Variants in SDK2 observed in about 807,000 individuals in gnomAD.
The protein encoded by SDK2 is protein sidekick-2.
In SDK2, 105 loss-of-function variants were observed where a neutral mutation model predicts 253.9. The observed-to-expected ratio is 0.41, with a 90% CI of 0.35 to 0.49. The LOEUF (loss-of-function observed/expected upper bound fraction) is 0.49. Ranked by LOEUF, SDK2 falls within the 20% of genes least tolerant of loss-of-function variation. The pLI is 0.06. For synonymous variants in SDK2, 1,249 were observed against 1,234.9 expected, an observed-to-expected ratio of 1.01 and a Z score of -0.24; for missense variants, 2,608 against 3,003.0, an observed-to-expected ratio of 0.87 and a Z score of 3.07.
Position 73,399,188 on chromosome 17 carries a change from G to A in SDK2, c.3073C>T (p.Arg1025Cys), listed in dbSNP as rs751928180. Reference protein sequence around the residue: ...PGYDGKTSISRWLVEAQVGVV... With the variant: ...PGYDGKTSISCWLVEAQVGVV... Reference sequence around the variant, plus strand: ...CCTACCTGGGCTTCCACCAGCCAGCGGGAGATGGAGGTTTTCCCATCGTAG... The same window carrying A: ...CCTACCTGGGCTTCCACCAGCCAGCAGGAGATGGAGGTTTTCCCATCGTAG... The change falls in exon 22 of 45, where the codon CGC becomes TGC. Residue 1025 changes from arginine to cysteine, a missense_variant. Transcript: ENST00000392650. 1.7e-5 allele frequency: 28 copies of A among 1,613,716 alleles called. No individual in the cohort carries two copies. Among genetic ancestry groups the A allele is most frequent in the Admixed American group, 5.0e-5 (3 of 60,004 alleles).
rs918448598 is a variant in SDK2 at position 73,335,747 on chromosome 17, C to T, written c.*2840G>A. The T allele has an allele frequency of 1.3e-5, 2 of 152,236 alleles. No individual in the cohort carries two copies. The highest frequency in any genetic ancestry group is 6.5e-5 in the Admixed American group (1 of 15,286). 9.4% of individuals were successfully genotyped at this position (152,236 alleles called of 1,614,324 possible). ...CTCAGACAATAGATCCCAGCCACGC[C>T]CCAAGTGCAAGCAACCCAGGCCACC... is the stretch of plus-strand genomic sequence containing the variant. On this transcript the variant is annotated 3_prime_UTR_variant, in exon 45 of 45. Transcript: ENST00000392650.
chr17:73,471,221 T>C (rs867737000), intron 3 of SDK2, among the ~76,000 whole-genome samples: 1 of 152,100 alleles, frequency 6.6e-6, no homozygotes, highest in African/African-American at 2.4e-5. Flanking sequence ...GCATTCACCA[T>C]GAGGCACCTC....
chr17:73,522,823 T>A (rs1282449792), intron 1 of SDK2, among the ~76,000 whole-genome samples: 1 of 152,236 alleles, frequency 6.6e-6, no homozygotes, highest in Non-Finnish European at 1.5e-5. Flanking sequence ...GGGCTCACCC[T>A]GAGCATCTCC....
chr17:73,448,166 A>T (rs1015426083), intron 4 of SDK2, among the ~76,000 whole-genome samples: 1 of 152,168 alleles, frequency 6.6e-6, no homozygotes, highest in Admixed American at 6.5e-5. Context: ...CTCAGCATGG[A>T]TTAGTGAATG....
At chr17:73,551,330 C>T (rs1469894010) in intron 1 of SDK2, among the ~76,000 whole-genome samples, 1 of 152,200 alleles carries the variant, frequency 6.6e-6, no homozygotes, top group Non-Finnish European at 1.5e-5. Context: ...AGACCTTGCC[C>T]ACCAGGAGCT....
In SDK2 at chr17:73,483,639, A is replaced by ATGTGTGTGTGTGTGTGTG. The variant is rs1188169326; in HGVS notation, c.225-11422_225-11421insCACACACACACACACACA. On this transcript the variant is annotated intron_variant, in intron 2 of 44. Transcript: ENST00000392650. ...TGTATATATATGTATATGTATATAT[A>ATGTGTGTGTGTGTGTGTG]TATGTGTGTGTGTGTGTGTGTGTAT... 3.1e-3 allele frequency among the ~76,000 whole-genome samples: 148 copies of ATGTGTGTGTGTGTGTGTG among 48,176 alleles called. 16 individuals are homozygous for ATGTGTGTGTGTGTGTGTG. The highest frequency in any genetic ancestry group is 9.3e-3 in the Middle Eastern group (1 of 108). 31.6% of individuals were successfully genotyped at this position (48,176 alleles called of 152,430 possible).
chr17:73,438,876 G>A (rs1456138201), intron 6 of SDK2, among the ~76,000 whole-genome samples: 8 of 152,156 alleles, frequency 5.3e-5, no homozygotes, highest in African/African-American at 1.9e-4. Flanking sequence ...GGAGTTCTGT[G>A]GCCGCATACG....
At chr17:73,366,795 C>T (rs1292161612) in intron 37 of SDK2, among the ~76,000 whole-genome samples, 3 of 152,032 alleles carry the variant, frequency 2.0e-5, no homozygotes, top group Admixed American at 1.3e-4. Context: ...CTACCAGGCT[C>T]GCTCTGCACA....
chr17:73,643,401 G>A lies in SDK2; in HGVS notation c.64+624C>T, dbSNP rs1339192494. Among the ~76,000 whole-genome samples the A allele has an allele frequency of 2.0e-5, 3 of 152,080 alleles. No individual in the cohort carries two copies. In the East Asian group the frequency reaches 5.8e-4, roughly 30 times the overall value. ...GACCCTCCCTGTGCACCACCCCCCG[G>A]TGGGTCCGCGGCTGCACCCGCGACC... On this transcript the variant is annotated intron_variant, in intron 1 of 44. Coordinates refer to ENST00000392650, the MANE Select transcript of SDK2 (RefSeq NM_001144952.2). The surrounding 1 kb of genome is among the most constrained non-coding windows in gnomAD (Gnocchi z 6.9).
Position 73,568,803 on chromosome 17 carries a change from A to G in SDK2, c.65-61206T>C, listed in dbSNP as rs566336939. Among the ~76,000 whole-genome samples the G allele has an allele frequency of 8.5e-5, 13 of 152,310 alleles. No individual in the cohort carries two copies. In the South Asian group the frequency reaches 2.7e-3, roughly 32 times the overall value. On this transcript the variant is annotated intron_variant, in intron 1 of 44. Transcript: ENST00000392650. ...TAAATACAAGGAGAAGAGTCGTTAAACAGGCGACTGCAGAAGGAAGGAACA... is the reference window on the plus strand; with the variant it reads ...TAAATACAAGGAGAAGAGTCGTTAAGCAGGCGACTGCAGAAGGAAGGAACA...
At chr17:73,490,695 A>T (rs2145728385) in intron 2 of SDK2, among the ~76,000 whole-genome samples, 1 of 151,490 alleles carries the variant, frequency 6.6e-6, no homozygotes, top group East Asian at 1.9e-4. Context: ...TTGTATTATT[A>T]TTATTATGTT....
At chr17:73,411,794 T>A (rs1297323469) in intron 18 of SDK2, among the ~76,000 whole-genome samples, 2 of 150,606 alleles carry the variant, frequency 1.3e-5, no homozygotes, top group Admixed American at 6.6e-5. Context: ...TGCTATTTTT[T>A]TTTTTTTTTT....
At position 73,481,599 on chromosome 17, in the gene SDK2, C is replaced by T. The variant is rs953168037; in HGVS notation, c.225-9381G>A. On this transcript the variant is annotated intron_variant, in intron 2 of 44. Transcript: ENST00000392650. This position sits in a 1 kb window ranked among gnomAD's most constrained non-coding sequence, Gnocchi z 4.5. ...GTGAAAGCCCTCTCCCCTCGCAGGA[C>T]GTAGCCGGATCCCTCACCAACGCAG... Among the ~76,000 whole-genome samples the T allele has an allele frequency of 7.2e-5, 11 of 152,140 alleles. No homozygotes were observed. Among genetic ancestry groups the T allele is most frequent in the African/African-American group, 1.9e-4 (8 of 41,430 alleles).
Position 73,433,638 on chromosome 17 carries a change from T to A in SDK2, c.1312+94A>T, listed in dbSNP as rs560420810. ...AGTGTATGACCTTCACAAGTGTACG[T>A]GGGGAACCCAACCTGGCTGGCTCCA... On this transcript the variant is annotated intron_variant, in intron 10 of 44. Coordinates refer to ENST00000392650, the MANE Select transcript of SDK2 (RefSeq NM_001144952.2). 29 of 925,260 alleles carry A rather than the reference T, an allele frequency of 3.1e-5. No homozygotes were observed. The African/African-American group carries it at 3.8e-4, about 12-fold the overall frequency. The allele number at this position is 925,260 out of a possible 1,614,324, so 57.3% of individuals were successfully genotyped here.
chr17:73,413,914 C>T (rs1336526259), intron 18 of SDK2, among the ~76,000 whole-genome samples: 1 of 152,132 alleles, frequency 6.6e-6, no homozygotes, highest in Non-Finnish European at 1.5e-5. Context: ...CCACACACTA[C>T]GTGGAGTCGA....
At chr17:73,461,883 A>T (rs1433280446) in intron 3 of SDK2, among the ~76,000 whole-genome samples, 1 of 151,464 alleles carries the variant, frequency 6.6e-6, no homozygotes, top group East Asian at 2.0e-4. Context: ...GGATGGTTGT[A>T]TGTAGCTATG....
At chr17:73,345,094 G>A (rs570116762) in intron 44 of SDK2, among the ~76,000 whole-genome samples, 8 of 152,264 alleles carry the variant, frequency 5.3e-5, no homozygotes, top group African/African-American at 1.9e-4. Flanking sequence ...CGAGGTGGGC[G>A]GATCACCTGA....
At chr17:73,339,469 G>T (rs550142248) in intron 44 of SDK2, among the ~76,000 whole-genome samples, 9 of 151,860 alleles carry the variant, frequency 5.9e-5, no homozygotes, top group African/African-American at 2.2e-4. Context: ...TGATCCACCC[G>T]CTTCACCCTC....
chr17:73,492,994 G>A (rs969421745), intron 2 of SDK2, among the ~76,000 whole-genome samples: 6 of 152,234 alleles, frequency 3.9e-5, no homozygotes, highest in African/African-American at 1.4e-4. Flanking sequence ...GACCTGGGAG[G>A]GGGTGGAAAG....
Sources: gnomAD v4.1 joint callset for allele counts (sites outside exome capture counted in the v4.1 genomes callset) on GRCh38, gnomAD v4.1.1 for gene constraint, Gnocchi (gnomAD v3.1) non-coding constraint, MANE v1.5 for transcripts, NCBI Gene and HGNC (gene_info 2026-07-23, HGNC 2026-07-21) for gene names.